Variants in DGKD observed in about 807,000 individuals in gnomAD.
DGKD encodes diacylglycerol kinase delta, also known as DAG kinase delta.
In DGKD, 68 loss-of-function variants were observed where a neutral mutation model predicts 154.4. That is an observed-to-expected ratio of 0.44 (90% CI 0.36 to 0.54). The LOEUF is 0.54. DGKD is among the 20% of genes least tolerant of loss of function. The pLI is 0.00. For missense variants in DGKD, 1,343 were observed against 1,593.6 expected, an observed-to-expected ratio of 0.84 and a Z score of 2.68; for synonymous variants, 693 against 638.0, an observed-to-expected ratio of 1.09 and a Z score of -1.30.
intron 1 of DGKD, among the ~76,000 whole-genome samples, chr2:233,358,562 T>C (rs190849508): frequency 7.9e-5 from 12 of 152,340 alleles, no homozygotes; most frequent in Admixed American, 5.2e-4. Context: ...CATCACCCCG[T>C]TTCCTCTCAA....
chr2:233,458,340 C>T lies in DGKD; in HGVS notation c.2637C>T (p.Gly879=). Residue 879 remains glycine (G), a synonymous_variant, in exon 22 of 30, where the codon GGC becomes GGT. Coordinates refer to ENST00000264057, the MANE Select transcript of DGKD (RefSeq NM_152879.3). This position sits in a 1 kb window ranked among gnomAD's most constrained non-coding sequence, Gnocchi z 6.6. The part of the protein sequence containing the change: ...DKILEVVAVF[G]SMQMAVSRVI... ...TTCTGGAGGTGGTCGCCGTGTTCGGCAGCATGCAGATGGCCGTCTCTCGAG... is the reference window on the plus strand; with the variant it reads ...TTCTGGAGGTGGTCGCCGTGTTCGGTAGCATGCAGATGGCCGTCTCTCGAG... 1.2e-6 allele frequency: 2 copies of T among 1,612,374 alleles called. No individual in the cohort carries two copies. The highest frequency in any genetic ancestry group is 1.7e-6 in the Non-Finnish European group (2 of 1,179,918).
At position 233,445,512 on chromosome 2, in the gene DGKD, C is replaced by A. The variant is rs2124826380; in HGVS notation, c.1195-111C>A. 2 of 1,439,258 alleles carry A rather than the reference C, an allele frequency of 1.4e-6. No individual in the cohort carries two copies. Among genetic ancestry groups the A allele is most frequent in the South Asian group, 3.0e-5 (2 of 66,110 alleles). 89.2% of individuals were successfully genotyped at this position (1,439,258 alleles called of 1,614,324 possible). A position where few individuals can be genotyped will look rare whatever the true frequency, so the allele number is the denominator to read the frequency against. On this transcript the variant is annotated intron_variant, in intron 10 of 29. Coordinates refer to ENST00000264057, the MANE Select transcript of DGKD (RefSeq NM_152879.3). This position sits in a 1 kb window ranked among gnomAD's most constrained non-coding sequence, Gnocchi z 5.5. ...TAAGCTGCGTGGTTTTAGGTCACGT[C>A]CCCACATTGCTAACGTAACCCTCAC... is the stretch of plus-strand genomic sequence containing the variant.
intron 19 of DGKD, among the ~76,000 whole-genome samples, chr2:233,456,025 G>A (rs73995972): frequency 0.031 from 4,645 of 152,278 alleles, 233 homozygotes; most frequent in African/African-American, 0.11. Context: ...AAAATAAGTA[G>A]TTGAGGAACA....
intron 3 of DGKD, among the ~76,000 whole-genome samples, chr2:233,411,737 G>A (rs143001585): frequency 3.3e-5 from 5 of 152,188 alleles, no homozygotes; most frequent in Admixed American, 2.0e-4. Flanking sequence ...GAAAACCCTT[G>A]TCTACCTCGG....
rs770427075 is a variant in DGKD, at chr2:233,440,984, C to G, written c.1086-903C>G. ...CTGGCCTCTGGACTGGGTTGGTGGT[C>G]GAGCTACCATTCTCCGAGTAGGGAT... is the stretch of plus-strand genomic sequence containing the variant. On this transcript the variant is annotated intron_variant, in intron 9 of 29. Coordinates refer to ENST00000264057, the MANE Select transcript of DGKD (RefSeq NM_152879.3). The surrounding 1 kb of genome is among the most constrained non-coding windows in gnomAD (Gnocchi z 4.9). Among the ~76,000 whole-genome samples, 1 of 152,110 alleles carries G rather than the reference C, an allele frequency of 6.6e-6. No individual in the cohort carries two copies. Among genetic ancestry groups the G allele is most frequent in the Non-Finnish European group, 1.5e-5 (1 of 68,018 alleles).
chr2:233,461,038 A>G, intron 24 of DGKD, among the ~76,000 whole-genome samples: 1 of 148,066 alleles, frequency 6.8e-6, no homozygotes, highest in Middle Eastern at 3.3e-3. Flanking sequence ...AAAAAAAAAG[A>G]CAACTGCTGG....
rs76040705 is a variant in DGKD, at chr2:233,459,994, T to C, written c.2829+103T>C. On this transcript the variant is annotated intron_variant, in intron 23 of 29. Coordinates refer to ENST00000264057, the MANE Select transcript of DGKD (RefSeq NM_152879.3). The surrounding 1 kb of genome is among the most constrained non-coding windows in gnomAD (Gnocchi z 5.7). ...GAGCTTTTTGTGTTTTGTTCTAGGATTTTTTTTTTTTTTAAGACACAATGA... is the reference window on the plus strand; with the variant it reads ...GAGCTTTTTGTGTTTTGTTCTAGGACTTTTTTTTTTTTTAAGACACAATGA... 5.2e-6 allele frequency: 1 copy of C among 192,982 alleles called. No homozygotes were observed. The highest frequency in any genetic ancestry group is 3.5e-5 in the African/African-American group (1 of 28,578). The allele number at this position is 192,982 out of a possible 1,614,324, so 12.0% of individuals were successfully genotyped here. A position where few individuals can be genotyped will look rare whatever the true frequency, so the allele number is the denominator to read the frequency against.
chr2:233,449,948 C>T lies in DGKD; in HGVS notation c.1889-34C>T, dbSNP rs761619437. ...CTGACAGCGCCCTTGGCTTTGCACC[C>T]GCGTGCTCAGCCGCACACACTCTCC... On this transcript the variant is annotated intron_variant, in intron 15 of 29. Coordinates refer to ENST00000264057, the MANE Select transcript of DGKD (RefSeq NM_152879.3). The surrounding 1 kb of genome is among the most constrained non-coding windows in gnomAD (Gnocchi z 5.3). The T allele has an allele frequency of 8.4e-6, 13 of 1,544,510 alleles. No individual in the cohort carries two copies. Among genetic ancestry groups the T allele is most frequent in the African/African-American group, 2.7e-5 (2 of 72,998 alleles).
rs149203467 is a variant in DGKD at position 233,459,039 on chromosome 2, C to T, written c.2694+642C>T. 6.6e-6 allele frequency among the ~76,000 whole-genome samples: 1 copy of T among 152,236 alleles called. No homozygotes were observed. Among genetic ancestry groups the T allele is most frequent in the African/African-American group, 2.4e-5 (1 of 41,466 alleles). On this transcript the variant is annotated intron_variant, in intron 22 of 29. Coordinates refer to ENST00000264057, the MANE Select transcript of DGKD (RefSeq NM_152879.3). This position sits in a 1 kb window ranked among gnomAD's most constrained non-coding sequence, Gnocchi z 5.7. Reference sequence around the variant, plus strand: ...CGCAGTGGGGACGGAGCCCATGGCTCTGATGTGGGGTGTGGGAGGATTTCC... The same window carrying T: ...CGCAGTGGGGACGGAGCCCATGGCTTTGATGTGGGGTGTGGGAGGATTTCC...
At position 233,457,145 on chromosome 2, in the gene DGKD, G is replaced by A. The variant is rs557789338; in HGVS notation, c.2473-76G>A. The A allele has an allele frequency of 7.6e-5, 103 of 1,346,598 alleles. No homozygotes were observed. In the East Asian group the frequency reaches 1.1e-3, roughly 15 times the overall value. 83.4% of individuals were successfully genotyped at this position (1,346,598 alleles called of 1,614,324 possible). A position where few individuals can be genotyped will look rare whatever the true frequency, so the allele number is the denominator to read the frequency against. On this transcript the variant is annotated intron_variant, in intron 20 of 29. Coordinates refer to ENST00000264057, the MANE Select transcript of DGKD (RefSeq NM_152879.3). This position sits in a 1 kb window ranked among gnomAD's most constrained non-coding sequence, Gnocchi z 5.5. ...ACGGCTGTGCTCCTGAGCCCCTGGC[G>A]GTGGGAAGCTGGTAGAGAAGGAGGG...
At position 233,445,792 on chromosome 2, in the gene DGKD, G is replaced by A. The variant is rs1365616443; in HGVS notation, c.1334+30G>A. On this transcript the variant is annotated intron_variant, in intron 11 of 29. Coordinates refer to ENST00000264057, the MANE Select transcript of DGKD (RefSeq NM_152879.3). This position sits in a 1 kb window ranked among gnomAD's most constrained non-coding sequence, Gnocchi z 5.5. ...GTGGGGATGTGCTCCGGTGCCGTAT[G>A]AGGAGACTTTGAGAGACAGGTCCCT... The A allele has an allele frequency of 6.3e-7, 1 of 1,577,782 alleles. No individual in the cohort carries two copies. The highest frequency in any genetic ancestry group is 1.2e-5 in the South Asian group (1 of 86,208).
chr2:233,413,969 G>A (rs2061894492), intron 3 of DGKD, among the ~76,000 whole-genome samples: 1 of 152,206 alleles, frequency 6.6e-6, no homozygotes, highest in Non-Finnish European at 1.5e-5. Flanking sequence ...TGTAAGCTTG[G>A]TTAGTGGAAA....
intron 3 of DGKD, among the ~76,000 whole-genome samples, chr2:233,391,579 C>G (rs1013183075): frequency 1.3e-5 from 2 of 152,216 alleles, no homozygotes; most frequent in East Asian, 1.9e-4. Context: ...AATAACAGCA[C>G]TAGAACTTTT....
At chr2:233,375,803 T>C (rs960594954) in intron 1 of DGKD, among the ~76,000 whole-genome samples, 19 of 152,178 alleles carry the variant, frequency 1.2e-4, no homozygotes, top group African/African-American at 4.6e-4. Flanking sequence ...CCTGTGTCTT[T>C]CTTGTTTCAT....
chr2:233,383,961 C>T (rs971497185), intron 1 of DGKD, among the ~76,000 whole-genome samples: 4 of 151,902 alleles, frequency 2.6e-5, no homozygotes, highest in East Asian at 1.9e-4. Context: ...GTGTAGGTGC[C>T]GTGAGATACT....
rs181452113 is a variant in DGKD, at chr2:233,386,891, A to G, written c.157-1366A>G. On this transcript the variant is annotated intron_variant, in intron 1 of 29. Transcript: ENST00000264057. ...GAGTGCAGCCAGTTCCCCCCAACCC[A>G]GGAAGGGCACAGTGAGGATGGCTGG... 5.3e-5 allele frequency among the ~76,000 whole-genome samples: 8 copies of G among 152,316 alleles called. No individual in the cohort carries two copies. The South Asian group carries it at 1.0e-3, about 20-fold the overall frequency.
chr2:233,440,534 C>T lies in DGKD; in HGVS notation c.1086-1353C>T, dbSNP rs1425953202. On this transcript the variant is annotated intron_variant, in intron 9 of 29. Coordinates refer to ENST00000264057, the MANE Select transcript of DGKD (RefSeq NM_152879.3). This position sits in a 1 kb window ranked among gnomAD's most constrained non-coding sequence, Gnocchi z 4.9. Reference sequence around the variant, plus strand: ...GCAAGTCAAACTGGGCGTCCTTCCACGTCTCCCCGAGCTGGCATCCGAGGA... The same window carrying T: ...GCAAGTCAAACTGGGCGTCCTTCCATGTCTCCCCGAGCTGGCATCCGAGGA... Among the ~76,000 whole-genome samples the T allele has an allele frequency of 2.0e-5, 3 of 152,162 alleles. No homozygotes were observed. The highest frequency in any genetic ancestry group is 2.9e-5 in the Non-Finnish European group (2 of 68,034).
At position 233,440,752 on chromosome 2, in the gene DGKD, C is replaced by G. The variant is rs1237096625; in HGVS notation, c.1086-1135C>G. ...CCTTCCTGCAAATGAGGGGCAGCCT[C>G]ATAAAGCAAGGCCCGTGGCCAGGCT... On this transcript the variant is annotated intron_variant, in intron 9 of 29. Coordinates refer to ENST00000264057, the MANE Select transcript of DGKD (RefSeq NM_152879.3). The surrounding 1 kb of genome is among the most constrained non-coding windows in gnomAD (Gnocchi z 4.9). Among the ~76,000 whole-genome samples, 1 of 152,212 alleles carries G rather than the reference C, an allele frequency of 6.6e-6. No individual in the cohort carries two copies. Among genetic ancestry groups the G allele is most frequent in the African/African-American group, 2.4e-5 (1 of 41,458 alleles).
chr2:233,388,444 C>G (rs1703340126), intron 2 of DGKD, 77 bp downstream of exon 2: 1 of 1,391,370 alleles, frequency 7.2e-7, no homozygotes, highest in South Asian at 1.4e-5. Context: ...GGTGCTGAGT[C>G]CTTGTGTGGG....
Sources: gnomAD v4.1 joint callset for allele counts (sites outside exome capture counted in the v4.1 genomes callset) on GRCh38, gnomAD v4.1.1 for gene constraint, Gnocchi (gnomAD v3.1) non-coding constraint, MANE v1.5 for transcripts, NCBI Gene and HGNC (gene_info 2026-07-23, HGNC 2026-07-21) for gene names.